The following PUM2 variants were observed in gnomAD, a reference collection of about 807,000 sequenced individuals.
The protein encoded by PUM2 is pumilio homolog 2.
PUM2 carries 57 observed loss-of-function variants against 124.5 expected under a neutral mutation model. The ratio of observed to expected loss-of-function variants is 0.46; its 90% CI spans 0.37 to 0.57. The LOEUF (loss-of-function observed/expected upper bound fraction) is 0.57. Among genes scored for constraint, PUM2 ranks in the 20% least tolerant of loss-of-function variants. PUM2 has a pLI of 0.00. For missense variants in PUM2, 1,065 were observed against 1,290.6 expected (o/e 0.83, Z 2.68); for synonymous variants, 460 against 446.1 (o/e 1.03, Z -0.39).
rs1459072112 is a variant in PUM2 at position 20,262,680 on chromosome 2, AT to A, written c.2225+512del. Among the ~76,000 whole-genome samples the A allele has an allele frequency of 2.6e-5, 4 of 152,244 alleles. No homozygotes were observed. In the East Asian group the frequency reaches 7.7e-4, roughly 29 times the overall value. ...TCTTAAATTTATCAAATGTGTTACA[AT>A]TCTATTTTCCTTTCTAAGCTATCTT... On this transcript the variant is annotated intron_variant, in intron 14 of 20. Coordinates refer to ENST00000361078, the MANE Select transcript of PUM2 (RefSeq NM_015317.5).
rs751765171 is a variant in PUM2 at position 20,258,235 on chromosome 2, AC to A, written c.2484+7del. 1 of 1,580,008 alleles carries A rather than the reference AC, an allele frequency of 6.3e-7. No individual in the cohort carries two copies. The highest frequency in any genetic ancestry group is 2.3e-5 in the East Asian group (1 of 44,270). On this transcript the variant is annotated splice_region_variant and intron_variant, in intron 16 of 20. Coordinates refer to ENST00000361078, the MANE Select transcript of PUM2 (RefSeq NM_015317.5). ...TAATACAAAAATTTTGTCTTAACTT[AC>A]AATTACCTGCTGGTCAGAAGAAATA... is the stretch of plus-strand genomic sequence containing the variant.
Position 20,290,748 on chromosome 2 carries a change from G to C in PUM2, c.1195C>G (p.Gln399Glu). The C allele has an allele frequency of 6.2e-7, 1 of 1,612,950 alleles. No individual in the cohort carries two copies. Among genetic ancestry groups the C allele is most frequent in the Non-Finnish European group, 8.5e-7 (1 of 1,179,748 alleles). The part of the protein sequence containing the change: ...GAGQRPLTPN[Q>E]GQQGQQAESL... ...TCTGCTTGCTGCCCTTGCTGACCCT[G>C]ATTGGGAGTAAGAGGACGCTGACCT... The change falls in exon 10 of 21, where the codon CAG becomes GAG. Residue 399 changes from glutamine (Q) to glutamate (E), a missense_variant. By Grantham distance (29) the Gln-to-Glu change is conservative. Around this residue, in one of 3 missense-constraint regions of PUM2, gnomAD observed 968 missense variants for 1,159.8 expected, o/e 0.83. Transcript: ENST00000361078.
chr2:20,290,450 TCGTTG>T (rs1673762458), intron 10 of PUM2, among the ~76,000 whole-genome samples, 197 bp downstream of exon 10: 1 of 6,872 alleles, frequency 1.5e-4, no homozygotes, highest in African/African-American at 7.8e-4. Context: ...ACCATTCCTG[TCGTTG>T]AGTCTCAATT....
chr2:20,332,710 A>T (rs187141211), intron 1 of PUM2, among the ~76,000 whole-genome samples: 36 of 152,350 alleles, frequency 2.4e-4, no homozygotes, highest in African/African-American at 7.7e-4. Flanking sequence ...GTAATAAAAA[A>T]GTTGGAATTT....
Position 20,297,562 on chromosome 2 carries a change from T to G in PUM2, c.1000A>C (p.Thr334Pro). The G allele has an allele frequency of 1.2e-6, 2 of 1,603,200 alleles. No homozygotes were observed. Among genetic ancestry groups the G allele is most frequent in the Non-Finnish European group, 1.7e-6 (2 of 1,173,404 alleles). Residue 334 changes from threonine (T) to proline (P), a missense_variant, in exon 8 of 21, where the codon ACA becomes CCA. This residue lies in a region of PUM2 where 968 missense variants were observed against 1,159.8 expected (regional missense o/e 0.83). Transcript: ENST00000361078. The part of the protein sequence containing the change: ...YTAAGLAAAA[T>P]LAGPAVVPPQ... The stretch of plus-strand genomic sequence containing the variant: ...ACAAATAGTATGTTACCTGCTAATG[T>G]AGCTGCTGCAGCCAATCCTGCTGCA...
At position 20,255,104 on chromosome 2, in the gene PUM2, C is replaced by T. The variant is rs1664452243; in HGVS notation, c.2748+112G>A. On this transcript the variant is annotated intron_variant, in intron 18 of 20. Transcript: ENST00000361078. Reference sequence around the variant, plus strand: ...AGGATAGTTAGGAGAATACAACAGCCTTTTGTCTCACTCTTGTCTATAGTG... The same window carrying T: ...AGGATAGTTAGGAGAATACAACAGCTTTTTGTCTCACTCTTGTCTATAGTG... 2.7e-6 allele frequency: 4 copies of T among 1,463,806 alleles called. No individual in the cohort carries two copies. In the South Asian group the frequency reaches 5.1e-5, roughly 19 times the overall value. 90.7% of individuals were successfully genotyped at this position (1,463,806 alleles called of 1,614,324 possible).
At chr2:20,338,301 G>T (rs1456897219) in intron 1 of PUM2, among the ~76,000 whole-genome samples, 1 of 152,164 alleles carries the variant, frequency 6.6e-6, no homozygotes, top group Non-Finnish European at 1.5e-5. Flanking sequence ...GGAGGCTGAG[G>T]CAAGAGAATC....
chr2:20,251,816 A>C (rs1316634656), intron 20 of PUM2, 100 bp from the exon 21 acceptor site: 2 of 1,371,450 alleles, frequency 1.5e-6, no homozygotes, highest in African/African-American at 1.5e-5. Context: ...GAATAACTGC[A>C]ATTAAAAAAA....
intron 12 of PUM2, among the ~76,000 whole-genome samples, chr2:20,279,500 C>T (rs921988988): frequency 2.6e-5 from 4 of 152,100 alleles, no homozygotes; most frequent in Non-Finnish European, 5.9e-5. Flanking sequence ...TTCACTTATC[C>T]CACAGGACTC....
chr2:20,312,866 C>G (rs1324173228), intron 3 of PUM2, among the ~76,000 whole-genome samples: 1 of 152,144 alleles, frequency 6.6e-6, no homozygotes, highest in Admixed American at 6.5e-5. Flanking sequence ...GGTACCAAAA[C>G]AGATATATAG....
intron 19 of PUM2, 45 bp from the exon 20 acceptor site, chr2:20,254,059 C>T: frequency 6.5e-7 from 1 of 1,528,328 alleles, no homozygotes; most frequent in South Asian, 1.2e-5. Flanking sequence ...TTTTTTTCTT[C>T]ACAGCAAAAT....
At chr2:20,267,576 A>G (rs1667995509) in intron 13 of PUM2, among the ~76,000 whole-genome samples, 1 of 152,228 alleles carries the variant, frequency 6.6e-6, no homozygotes. Context: ...TTCTGCACCA[A>G]AAGTATTAAA....
rs147204767 is a variant in PUM2 at position 20,332,235 on chromosome 2, G to C, written c.-18-4857C>G. 3.7e-3 allele frequency among the ~76,000 whole-genome samples: 555 copies of C among 151,392 alleles called. 6 individuals are homozygous for C. Among genetic ancestry groups the C allele is most frequent in the African/African-American group, 0.013 (541 of 41,134 alleles). On this transcript the variant is annotated intron_variant, in intron 1 of 20. Transcript: ENST00000361078. ...ACTTCCAAATATGAGTATACTGAAA[G>C]TTAAGCATTAGGGCTTTGCTTTCAA...
At chr2:20,253,160 G>A (rs1663872108) in intron 20 of PUM2, among the ~76,000 whole-genome samples, 3 of 152,158 alleles carry the variant, frequency 2.0e-5, no homozygotes, top group Admixed American at 6.6e-5. Context: ...GTAAAACATA[G>A]GTAACAGATG....
intron 1 of PUM2, among the ~76,000 whole-genome samples, chr2:20,340,324 T>C (rs1368925510): frequency 6.6e-6 from 1 of 152,232 alleles, no homozygotes; most frequent in Non-Finnish European, 1.5e-5. Context: ...AACTCTTTGG[T>C]GCCAAAGTTT....
rs527528320 is a variant in PUM2, at chr2:20,338,524, T to C, written c.-18-11146A>G. 6.6e-5 allele frequency among the ~76,000 whole-genome samples: 10 copies of C among 152,318 alleles called. No individual in the cohort carries two copies. The South Asian group carries it at 1.9e-3, about 28-fold the overall frequency. On this transcript the variant is annotated intron_variant, in intron 1 of 20. Coordinates refer to ENST00000361078, the MANE Select transcript of PUM2 (RefSeq NM_015317.5). Reference sequence around the variant, plus strand: ...CCTAAAGCTGACCCCAAACAATCCTTCTCTTAATTCCCACAGAATTTAATT... The same window carrying C: ...CCTAAAGCTGACCCCAAACAATCCTCCTCTTAATTCCCACAGAATTTAATT...
intron 1 of PUM2, among the ~76,000 whole-genome samples, chr2:20,344,520 AT>A (rs1558691999): frequency 2.0e-5 from 3 of 152,118 alleles, no homozygotes; most frequent in African/African-American, 7.2e-5. Context: ...AAGGACTTCA[AT>A]CTGGTGGGCT....
chr2:20,261,376 AGAGT>A (rs1666176599), intron 14 of PUM2, among the ~76,000 whole-genome samples: 1 of 133,256 alleles, frequency 7.5e-6, no homozygotes, highest in African/African-American at 2.9e-5. Flanking sequence ...CCTAAGCGAC[AGAGT>A]GAGACTCTGT....
intron 1 of PUM2, among the ~76,000 whole-genome samples, chr2:20,334,879 C>T (rs1207080494): frequency 6.6e-6 from 1 of 152,246 alleles, no homozygotes; most frequent in East Asian, 1.9e-4. Context: ...CTAGTTGAGT[C>T]ACAAATAAGT....
Sources: gnomAD v4.1 joint callset for allele counts (sites outside exome capture counted in the v4.1 genomes callset) on GRCh38, gnomAD v4.1.1 for gene constraint, gnomAD v4.1.1 regional missense constraint, MANE v1.5 for transcripts, NCBI Gene and HGNC (gene_info 2026-07-23, HGNC 2026-07-21) for gene names.